Variants in IL15RA observed in about 807,000 individuals in gnomAD.
IL15RA encodes the protein interleukin 15 receptor subunit alpha.
In IL15RA, 26 loss-of-function variants were observed where a neutral mutation model predicts 24.2. That is an observed-to-expected ratio of 1.07 (90% CI 0.79 to 1.49). The LOEUF (loss-of-function observed/expected upper bound fraction) is 1.49, where lower values mean the gene tolerates loss of function less well. Among genes scored for constraint, IL15RA ranks in the 40% most tolerant of loss-of-function variants. IL15RA has a pLI of 0.00. For missense variants in IL15RA, 354 were observed against 356.4 expected (o/e 0.99, Z 0.05); for synonymous variants, 166 against 157.6 (o/e 1.05, Z -0.40).
At chr10:5,956,253 G>C in intron 6 of IL15RA, 126 bp downstream of exon 6, 2 of 702,296 alleles carry the variant, frequency 2.8e-6, no homozygotes, top group Non-Finnish European at 5.1e-6. Flanking sequence ...GACCTCAAGT[G>C]ATCTGCCCGC....
rs765886730 is a variant in IL15RA, at chr10:5,966,281, G to A, written c.147C>T (p.Tyr49=). 2.5e-6 allele frequency: 4 copies of A among 1,614,088 alleles called. No homozygotes were observed. The highest frequency in any genetic ancestry group is 2.2e-5 in the East Asian group (1 of 44,884). Residue 49 remains tyrosine, a synonymous_variant, in exon 2 of 7, where the codon TAC becomes TAT. Transcript: ENST00000379977. This position sits in a 1 kb window ranked among gnomAD's most constrained non-coding sequence, Gnocchi z 6.4. ...TGTACCGCTCCCTGGAGTACAAGCT[G>A]TAGCTCTTGACCCAGATGTCTGCGT... ...VEHADIWVKS[Y]SLYSRERYIC... is the part of the protein sequence containing the mutation.
At chr10:5,954,198 T>G (rs4747820) in intron 6 of IL15RA, among the ~76,000 whole-genome samples, 78,148 of 142,524 alleles carry the variant, frequency 0.55, 22,629 homozygotes, top group African/African-American at 0.73. Context: ...CTGAGACAGG[T>G]TCTTGCTCTG....
rs533934538 is a variant in IL15RA at position 5,960,992 on chromosome 10, C to A, written c.383-425G>T. ...GCAGTGGCGCGATCTCAGCTCACTG[C>A]AACCTCTGCCTTCCGGGTTCAGGCA... On this transcript the variant is annotated intron_variant, in intron 3 of 6. Transcript: ENST00000379977. This position sits in a 1 kb window ranked among gnomAD's most constrained non-coding sequence, Gnocchi z 5.1. Among the ~76,000 whole-genome samples, 15 of 152,230 alleles carry A rather than the reference C, an allele frequency of 9.9e-5. No homozygotes were observed. The highest frequency in any genetic ancestry group is 3.1e-4 in the African/African-American group (13 of 41,538).
downstream of IL15RA, among the ~76,000 whole-genome samples, chr10:5,951,141 CAAAAAAAAAAAA>C (rs60771366): frequency 0.021 from 758 of 35,952 alleles, 10 homozygotes; most frequent in African/African-American, 0.085. Flanking sequence ...GACTCAGTCT[CAAAAAAAAAAAA>C]AAAAAAAAAA....
chr10:5,954,488 C>A (rs886220305), intron 6 of IL15RA, among the ~76,000 whole-genome samples: 1 of 151,770 alleles, frequency 6.6e-6, no homozygotes, highest in African/African-American at 2.4e-5. Flanking sequence ...GGGATGGGGT[C>A]TCACTATGTT....
rs1404019134 is a variant in IL15RA, at chr10:5,962,650, C to A, written c.382+1093G>T. 6.6e-6 allele frequency among the ~76,000 whole-genome samples: 1 copy of A among 151,350 alleles called. No homozygotes were observed. Among genetic ancestry groups the A allele is most frequent in the Non-Finnish European group, 1.5e-5 (1 of 67,962 alleles). Reference sequence around the variant, plus strand: ...GGAGAGGCGTGAGTCCCAGATTGCACCCAGGCCAACTGGAGTGCCCAGGTG... The same window carrying A: ...GGAGAGGCGTGAGTCCCAGATTGCAACCAGGCCAACTGGAGTGCCCAGGTG... On this transcript the variant is annotated intron_variant, in intron 3 of 6. Transcript: ENST00000379977. This position sits in a 1 kb window ranked among gnomAD's most constrained non-coding sequence, Gnocchi z 5.2.
In IL15RA at chr10:5,965,503, T is replaced by C. The variant is rs1836362964; in HGVS notation, c.283+642A>G. Among the ~76,000 whole-genome samples the C allele has an allele frequency of 6.6e-6, 1 of 152,162 alleles. No individual in the cohort carries two copies. The stretch of plus-strand genomic sequence containing the variant: ...GCACTACATGTAATAAGAGTTAATA[T>C]TTACCAGGGTTCACGCCACCCTCCC... On this transcript the variant is annotated intron_variant, in intron 2 of 6. Transcript: ENST00000379977. This position sits in a 1 kb window ranked among gnomAD's most constrained non-coding sequence, Gnocchi z 5.8.
At position 5,953,134 on chromosome 10, in the gene IL15RA, G is replaced by A; in HGVS notation, c.765C>T (p.Ser255=). The A allele has an allele frequency of 6.2e-7, 1 of 1,614,192 alleles. No homozygotes were observed. The highest frequency in any genetic ancestry group is 8.5e-7 in the Non-Finnish European group (1 of 1,179,992). The change falls in exon 7 of 7, where the codon AGC becomes AGT. Residue 255 remains serine (S), a synonymous_variant. Transcript: ENST00000379977. This position sits in a 1 kb window ranked among gnomAD's most constrained non-coding sequence, Gnocchi z 5.3. ...EALPVTWGTS[S]RDEDLENCSH... ...AGCAGTTTTCCAAGTCTTCATCTCT[G>A]CTGCTGGTCCCCCAAGTCACCGGCA...
In IL15RA at chr10:5,964,251, C is replaced by G. The variant is rs539573692; in HGVS notation, c.284-410G>C. On this transcript the variant is annotated intron_variant, in intron 2 of 6. Coordinates refer to ENST00000379977, the MANE Select transcript of IL15RA (RefSeq NM_002189.4). This position sits in a 1 kb window ranked among gnomAD's most constrained non-coding sequence, Gnocchi z 5.6. ...ACAACTCACTGCAGCCTTGACCTCC[C>G]GGGCTCAAGAGATCCTCCTGCCTCA... Among the ~76,000 whole-genome samples, 46 of 152,238 alleles carry G rather than the reference C, an allele frequency of 3.0e-4. No homozygotes were observed. Among genetic ancestry groups the G allele is most frequent in the Non-Finnish European group, 2.6e-4 (18 of 68,012 alleles).
Position 5,977,514 on chromosome 10 carries a change from C to G in IL15RA, c.-22G>C. The G allele has an allele frequency of 2.3e-6, 3 of 1,327,144 alleles. No individual in the cohort carries two copies. The highest frequency in any genetic ancestry group is 2.9e-6 in the Non-Finnish European group (3 of 1,038,992). The allele number at this position is 1,327,144 out of a possible 1,614,324, so 82.2% of individuals were successfully genotyped here. On this transcript the variant is annotated 5_prime_UTR_variant, in exon 1 of 7. Transcript: ENST00000379977. The stretch of plus-strand genomic sequence containing the variant: ...CCATGGCGGCAGCTCCACAGGACAC[C>G]GCTGGACTCCCCGGGCGAGCGCTGC...
In IL15RA at chr10:5,966,832, C is replaced by T. The variant is rs1258422396; in HGVS notation, c.89-493G>A. The stretch of plus-strand genomic sequence containing the variant: ...TTAAAAATACAAAAAATTAGCCGGG[C>T]GTGGTGGCAGGCGCCTGTAATCCCA... On this transcript the variant is annotated intron_variant, in intron 1 of 6. Transcript: ENST00000379977. The surrounding 1 kb of genome is among the most constrained non-coding windows in gnomAD (Gnocchi z 6.4). 1.3e-5 allele frequency among the ~76,000 whole-genome samples: 2 copies of T among 151,976 alleles called. No homozygotes were observed. Among genetic ancestry groups the T allele is most frequent in the Non-Finnish European group, 2.9e-5 (2 of 68,000 alleles).
intron 1 of IL15RA, among the ~76,000 whole-genome samples, chr10:5,969,604 T>C (rs1411091996): frequency 6.6e-6 from 1 of 152,188 alleles, no homozygotes; most frequent in Non-Finnish European, 1.5e-5. Context: ...CTCAAACTCC[T>C]GGGTTCAAGG....
chr10:5,965,951 C>T lies in IL15RA; in HGVS notation c.283+194G>A. Among the ~76,000 whole-genome samples the T allele has an allele frequency of 6.6e-6, 1 of 152,150 alleles. No individual in the cohort carries two copies. The highest frequency in any genetic ancestry group is 2.4e-5 in the African/African-American group (1 of 41,434). On this transcript the variant is annotated intron_variant, in intron 2 of 6. Coordinates refer to ENST00000379977, the MANE Select transcript of IL15RA (RefSeq NM_002189.4). The surrounding 1 kb of genome is among the most constrained non-coding windows in gnomAD (Gnocchi z 5.8). ...GGCCGGGCTGATCTGGAACTCCTGA[C>T]TTCAAGTGATCCTCCCGCCTCGGCC...
Position 5,967,299 on chromosome 10 carries a change from G to A in IL15RA, c.89-960C>T, listed in dbSNP as rs187009151. ...GGCTCACTGCAACCTCCACCTCCTG[G>A]GTTCAAGCGATTCTCCTGCCTCAGC... On this transcript the variant is annotated intron_variant, in intron 1 of 6. Transcript: ENST00000379977. The surrounding 1 kb of genome is among the most constrained non-coding windows in gnomAD (Gnocchi z 4.4). Among the ~76,000 whole-genome samples, 2 of 152,224 alleles carry A rather than the reference G, an allele frequency of 1.3e-5. No homozygotes were observed. Among genetic ancestry groups the A allele is most frequent in the Non-Finnish European group, 2.9e-5 (2 of 68,014 alleles).
chr10:5,965,363 G>T lies in IL15RA; in HGVS notation c.283+782C>A, dbSNP rs1412584368. Among the ~76,000 whole-genome samples the T allele has an allele frequency of 2.6e-5, 4 of 152,270 alleles. No homozygotes were observed. Among genetic ancestry groups the T allele is most frequent in the African/African-American group, 4.8e-5 (2 of 41,478 alleles). ...GGGTACTGAGAGAGGAGCAGTGATG[G>T]CTTCCAACATCCACCTTCTCATGGG... On this transcript the variant is annotated intron_variant, in intron 2 of 6. Transcript: ENST00000379977. The surrounding 1 kb of genome is among the most constrained non-coding windows in gnomAD (Gnocchi z 5.8).
At position 5,975,486 on chromosome 10, in the gene IL15RA, G is replaced by A. The variant is rs956366271; in HGVS notation, c.88+1919C>T. The stretch of plus-strand genomic sequence containing the variant: ...TGTGTTCACTCTTGGTGGTGGCAGT[G>A]GTTTCATGAGTATGTATGCATTTAC... On this transcript the variant is annotated intron_variant, in intron 1 of 6. Coordinates refer to ENST00000379977, the MANE Select transcript of IL15RA (RefSeq NM_002189.4). This position sits in a 1 kb window ranked among gnomAD's most constrained non-coding sequence, Gnocchi z 4.8. Among the ~76,000 whole-genome samples, 9 of 150,640 alleles carry A rather than the reference G, an allele frequency of 6.0e-5. No individual in the cohort carries two copies. The highest frequency in any genetic ancestry group is 1.3e-4 in the Non-Finnish European group (9 of 67,970).
intron 1 of IL15RA, among the ~76,000 whole-genome samples, chr10:5,969,602 C>T (rs7919660): frequency 0.32 from 47,969 of 151,980 alleles, 7,784 homozygotes; most frequent in South Asian, 0.35. Flanking sequence ...GTCTCAAACT[C>T]CTGGGTTCAA....
At chr10:5,949,094 G>C, downstream of IL15RA, 2 of 377,526 alleles carry the variant, frequency 5.3e-6, no homozygotes, top group Non-Finnish European at 1.1e-5. The surrounding 1 kb of genome is among the most constrained non-coding windows in gnomAD (Gnocchi z 4.4). Context: ...CACCTTTTCC[G>C]GCTCCCTGTC....
Position 5,953,416 on chromosome 10 carries a change from C to A in IL15RA, c.693-210G>T. The A allele has an allele frequency of 1.4e-6, 1 of 702,096 alleles. No homozygotes were observed. Among genetic ancestry groups the A allele is most frequent in the South Asian group, 1.5e-5 (1 of 67,224 alleles). The allele number at this position is 702,096 out of a possible 1,614,324, so 43.5% of individuals were successfully genotyped here. A position where few individuals can be genotyped will look rare whatever the true frequency, so the allele number is the denominator to read the frequency against. On this transcript the variant is annotated intron_variant, in intron 6 of 6. Transcript: ENST00000379977. This position sits in a 1 kb window ranked among gnomAD's most constrained non-coding sequence, Gnocchi z 5.3. ...CTCTACCGAGTGTATTAAATCCTAT[C>A]TAGGGGCCAGGTGTGGTGGCGCATG...
Sources: gnomAD v4.1 joint callset for allele counts (sites outside exome capture counted in the v4.1 genomes callset) on GRCh38, gnomAD v4.1.1 for gene constraint, Gnocchi (gnomAD v3.1) non-coding constraint, MANE v1.5 for transcripts, NCBI Gene and HGNC (gene_info 2026-07-23, HGNC 2026-07-21) for gene names.